The following CYP19A1 variants were observed in gnomAD, a reference collection of about 807,000 sequenced individuals.
The protein encoded by CYP19A1 is aromatase.
A neutral mutation model predicts 44.4 loss-of-function variants in CYP19A1; 32 were observed. The ratio of observed to expected loss-of-function variants is 0.72; its 90% confidence interval spans 0.54 to 0.97. CYP19A1 has a LOEUF of 0.97. CYP19A1 is among the 50% of genes least tolerant of loss of function. The pLI is 0.00. For synonymous variants in CYP19A1, 212 were observed against 215.6 expected (o/e 0.98, Z 0.14); for missense variants, 598 against 637.8 (o/e 0.94, Z 0.67).
Position 51,211,020 on chromosome 15 carries a change from G to T in CYP19A1, c.1300C>A (p.Pro434Thr). The T allele has an allele frequency of 6.3e-7, 1 of 1,590,876 alleles. No homozygotes were observed. Among genetic ancestry groups the T allele is most frequent in the Non-Finnish European group, 8.6e-7 (1 of 1,158,874 alleles). ...YRYFQPFGFG[P>T]RGCAGKYIAM... is the part of the protein sequence containing the mutation. ...ATGTACTTTCCTGCACAGCCACGGG[G>T]CCCAAAGCCAAATGGCTGAAAGTAC... Residue 434 changes from proline (P) to threonine (T), a missense_variant, in exon 10 of 10, where the codon CCC (proline) becomes ACC (threonine). Transcript: ENST00000396402.
chr15:51,270,898 G>A (rs902756569), intron 1 of CYP19A1, among the ~76,000 whole-genome samples: 1 of 152,120 alleles, frequency 6.6e-6, no homozygotes, highest in Admixed American at 6.5e-5. Context: ...TGGGTCTTGA[G>A]GCCTGACTAG....
rs1369893627 is a variant in CYP19A1 at position 51,268,530 on chromosome 15, C to CT, written c.-38-25581dup. Among the ~76,000 whole-genome samples the CT allele has an allele frequency of 9.9e-4, 124 of 125,804 alleles. 1 individual carries two copies. The highest frequency in any genetic ancestry group is 3.3e-3 in the African/African-American group (115 of 34,468). 82.5% of individuals were successfully genotyped at this position (125,804 alleles called of 152,430 possible). On this transcript the variant is annotated intron_variant, in intron 1 of 9. Transcript: ENST00000396402. Reference sequence around the variant, plus strand: ...TTCCATCGTTTCCTTCCCCCCCCCCCTTTTTTTTTGGCTGTTTCAAGCAAG... The same window carrying CT: ...TTCCATCGTTTCCTTCCCCCCCCCCCTTTTTTTTTTGGCTGTTTCAAGCAAG...
intron 1 of CYP19A1, among the ~76,000 whole-genome samples, chr15:51,254,360 T>A (rs1391835852): frequency 6.6e-6 from 1 of 152,246 alleles, no homozygotes; most frequent in East Asian, 1.9e-4. Flanking sequence ...GACCTTTGAC[T>A]GCTTCCCAAA....
intron 1 of CYP19A1, among the ~76,000 whole-genome samples, chr15:51,316,429 G>A (rs2036427406): frequency 6.6e-6 from 1 of 152,186 alleles, no homozygotes; most frequent in Admixed American, 6.5e-5. Flanking sequence ...TATCTAAAAT[G>A]AGTTAAGTGT....
chr15:51,259,839 A>G (rs2034648609), intron 1 of CYP19A1, among the ~76,000 whole-genome samples: 1 of 152,226 alleles, frequency 6.6e-6, no homozygotes, highest in African/African-American at 2.4e-5. Flanking sequence ...CCCAAATTAC[A>G]TTTATGATTC....
rs1472130369 is a variant in CYP19A1, at chr15:51,209,829, G to T, written c.*979C>A. 1 of 156,134 alleles carries T rather than the reference G, an allele frequency of 6.4e-6. No homozygotes were observed. The highest frequency in any genetic ancestry group is 1.4e-5 in the Non-Finnish European group (1 of 70,752). 9.7% of individuals were successfully genotyped at this position (156,134 alleles called of 1,614,324 possible). A position where few individuals can be genotyped will look rare whatever the true frequency, so the allele number is the denominator to read the frequency against. On this transcript the variant is annotated 3_prime_UTR_variant, in exon 10 of 10. Transcript: ENST00000396402. ...GGAGAAGGATAAGGGGATGAGAGGAGTACCCCTTAGAAGTTTGAGCCCATT... is the reference window on the plus strand; with the variant it reads ...GGAGAAGGATAAGGGGATGAGAGGATTACCCCTTAGAAGTTTGAGCCCATT...
chr15:51,240,456 G>A (rs896531325), intron 2 of CYP19A1, among the ~76,000 whole-genome samples: 1 of 152,066 alleles, frequency 6.6e-6, no homozygotes, highest in Non-Finnish European at 1.5e-5. Context: ...ATCATTATAA[G>A]TCCCTCCAGC....
At chr15:51,324,455 A>G (rs2036576887) in intron 1 of CYP19A1, among the ~76,000 whole-genome samples, 1 of 152,252 alleles carries the variant, frequency 6.6e-6, no homozygotes, top group Non-Finnish European at 1.5e-5. Context: ...GAGAGGGGCC[A>G]TCACACTGAT....
chr15:51,324,736 G>A (rs1268950601), intron 1 of CYP19A1, among the ~76,000 whole-genome samples: 2 of 152,236 alleles, frequency 1.3e-5, no homozygotes, highest in African/African-American at 4.8e-5. Flanking sequence ...GCAAATTTTA[G>A]ACAGGTAGAG....
Position 51,288,738 on chromosome 15 carries a change from C to G in CYP19A1, c.-38-45788G>C, listed in dbSNP as rs185028391. On this transcript the variant is annotated intron_variant, in intron 1 of 9. Transcript: ENST00000396402. ...TGTTCTCAGGCATGACAGCTGTGATCTGGGCTCTGCCTTGCTCCTCTGGTG... is the reference window on the plus strand; with the variant it reads ...TGTTCTCAGGCATGACAGCTGTGATGTGGGCTCTGCCTTGCTCCTCTGGTG... 3.3e-5 allele frequency among the ~76,000 whole-genome samples: 5 copies of G among 152,340 alleles called. No individual in the cohort carries two copies. The East Asian group carries it at 9.6e-4, about 29-fold the overall frequency.
rs1280035992 is a variant in CYP19A1, at chr15:51,208,830, A to G, written c.*1978T>C. 6.9e-6 allele frequency: 1 copy of G among 144,966 alleles called. No individual in the cohort carries two copies. Among genetic ancestry groups the G allele is most frequent in the Non-Finnish European group, 1.5e-5 (1 of 67,198 alleles). 9.0% of individuals were successfully genotyped at this position (144,966 alleles called of 1,614,324 possible). On this transcript the variant is annotated 3_prime_UTR_variant, in exon 10 of 10. Transcript: ENST00000396402. ...GCAAAATAGATATCTATGTACAGCT[A>G]TATCAAACATGCATTTCACTTTGAC...
chr15:51,227,228 T>G (rs1476138760), intron 4 of CYP19A1, among the ~76,000 whole-genome samples: 1 of 152,110 alleles, frequency 6.6e-6, no homozygotes, highest in African/African-American at 2.4e-5. Context: ...CTTGGGCAAG[T>G]TACTTAACCT....
In CYP19A1 at chr15:51,215,116, G is replaced by A; in HGVS notation, c.975C>T (p.His325=). The A allele has an allele frequency of 6.2e-7, 1 of 1,614,034 alleles. No individual in the cohort carries two copies. The highest frequency in any genetic ancestry group is 8.5e-7 in the Non-Finnish European group (1 of 1,179,988). The change falls in exon 8 of 10, where the codon CAC becomes CAT. Residue 325 remains histidine, a synonymous_variant. Transcript: ENST00000396402. ...TTATTATTGCCTCTTCAACATTAGGGTGCTTTGCAATGAGAAATAGCATGA... is the reference window on the plus strand; with the variant it reads ...TTATTATTGCCTCTTCAACATTAGGATGCTTTGCAATGAGAAATAGCATGA... ...LFFMLFLIAK[H]PNVEEAIIKE...
At chr15:51,244,174 C>A (rs908796016) in intron 1 of CYP19A1, among the ~76,000 whole-genome samples, 1 of 152,136 alleles carries the variant, frequency 6.6e-6, no homozygotes, top group African/African-American at 2.4e-5. Flanking sequence ...ATATTGTAAT[C>A]GGCACATTCT....
At chr15:51,317,798 A>G (rs2036455090) in intron 1 of CYP19A1, among the ~76,000 whole-genome samples, 1 of 152,206 alleles carries the variant, frequency 6.6e-6, no homozygotes, top group South Asian at 2.1e-4. Flanking sequence ...AGAAGCCCAG[A>G]CCTCAATAGG....
chr15:51,213,590 T>C (rs1338264055), intron 8 of CYP19A1, among the ~76,000 whole-genome samples: 2 of 152,072 alleles, frequency 1.3e-5, no homozygotes, highest in Admixed American at 1.3e-4. Context: ...CACTAGGAAG[T>C]AGTTAGCGAG....
chr15:51,220,194 T>C (rs2031951187), intron 5 of CYP19A1, among the ~76,000 whole-genome samples: 1 of 152,196 alleles, frequency 6.6e-6, no homozygotes, highest in African/African-American at 2.4e-5. Flanking sequence ...ATTCGAGCTA[T>C]GGTCAAATGT....
chr15:51,248,218 C>T (rs1411382766), intron 1 of CYP19A1, among the ~76,000 whole-genome samples: 1 of 152,192 alleles, frequency 6.6e-6, no homozygotes. Flanking sequence ...GCACAGCCCT[C>T]CTCTCAAAGG....
rs144613844 is a variant in CYP19A1 at position 51,212,164 on chromosome 15, G to A, written c.1263+156C>T. The A allele has an allele frequency of 4.6e-4, 327 of 718,296 alleles. 2 individuals are homozygous for A. In the African/African-American group the frequency reaches 5.3e-3, roughly 12 times the overall value. The allele number at this position is 718,296 out of a possible 1,614,324, so 44.5% of individuals were successfully genotyped here. Reference sequence around the variant, plus strand: ...GCTTGAGGATGAATACGGGAGCCCTGCTCCAAGCTAGGGGACGTGTGTGCT... The same window carrying A: ...GCTTGAGGATGAATACGGGAGCCCTACTCCAAGCTAGGGGACGTGTGTGCT... On this transcript the variant is annotated intron_variant, in intron 9 of 9. Transcript: ENST00000396402.
Sources: allele counts gnomAD v4.1 joint callset (sites outside exome capture counted in the v4.1 genomes callset), GRCh38; gene constraint gnomAD v4.1.1; transcripts MANE v1.5; gene names NCBI Gene and HGNC (gene_info 2026-07-23, HGNC 2026-07-21).